The following CCNY variants were observed in gnomAD, a reference collection of about 807,000 sequenced individuals.
CCNY encodes cyclin-Y.
In CCNY, 19 loss-of-function variants were observed where a neutral mutation model predicts 42.8. The ratio of observed to expected loss-of-function variants is 0.44; its 90% CI spans 0.31 to 0.65. CCNY has a LOEUF of 0.65. CCNY is among the 30% of genes least tolerant of loss of function. The pLI, the probability that CCNY is intolerant of heterozygous loss-of-function variation, is 0.07. For synonymous variants in CCNY, 165 were observed against 162.7 expected (o/e 1.01, Z -0.11); for missense variants, 370 against 437.3 (o/e 0.85, Z 1.37).
intron 1 of CCNY, among the ~76,000 whole-genome samples, chr10:35,455,886 A>G (rs1338529253): frequency 6.8e-6 from 1 of 146,500 alleles, no homozygotes; most frequent in Non-Finnish European, 1.5e-5. Context: ...TGGCACAATC[A>G]TAGCTCACTG....
intron 1 of CCNY, among the ~76,000 whole-genome samples, chr10:35,433,585 T>C (rs1050243712): frequency 6.6e-6 from 1 of 152,220 alleles, no homozygotes; most frequent in African/African-American, 2.4e-5. Flanking sequence ...GTATGATACA[T>C]GTATTAGTCT....
intron 5 of CCNY, among the ~76,000 whole-genome samples, chr10:35,528,050 T>A (rs900392296): frequency 2.6e-5 from 4 of 152,212 alleles, no homozygotes; most frequent in Non-Finnish European, 5.9e-5. Context: ...CGAATGTTTC[T>A]CTAGGGTGCT....
chr10:35,560,578 A>G (rs1841446420), intron 8 of CCNY, among the ~76,000 whole-genome samples: 1 of 152,148 alleles, frequency 6.6e-6, no homozygotes. Flanking sequence ...AACTGTGGGG[A>G]AAAAATTCCC....
intron 7 of CCNY, among the ~76,000 whole-genome samples, chr10:35,534,964 C>A (rs749601143): frequency 7.0e-6 from 1 of 143,496 alleles, no homozygotes; most frequent in African/African-American, 2.6e-5. Flanking sequence ...TACACACACA[C>A]ACACACACAC....
intron 1 of CCNY, among the ~76,000 whole-genome samples, chr10:35,452,096 T>G (rs938645711): frequency 3.3e-5 from 5 of 152,348 alleles, no homozygotes; most frequent in African/African-American, 1.2e-4. Context: ...CCTACCTGAA[T>G]TAATTTATAT....
chr10:35,471,497 C>A (rs1339211854), intron 1 of CCNY, among the ~76,000 whole-genome samples: 1 of 152,136 alleles, frequency 6.6e-6, no homozygotes, highest in Non-Finnish European at 1.5e-5. Context: ...AATTGTGGAT[C>A]ACTGTTACTG....
At chr10:35,549,078 C>A (rs1247292365) in intron 7 of CCNY, among the ~76,000 whole-genome samples, 8 of 151,596 alleles carry the variant, frequency 5.3e-5, no homozygotes, top group Admixed American at 5.3e-4. Flanking sequence ...TGGGTGCCAA[C>A]TCCGTGCCCC....
At chr10:35,318,764 A>T (rs948643540) in intron 3 of CCNY, among the ~76,000 whole-genome samples, 3 of 152,164 alleles carry the variant, frequency 2.0e-5, no homozygotes, top group African/African-American at 7.2e-5. Flanking sequence ...CAGTAAAAAA[A>T]AAATAGTAAA....
intron 1 of CCNY, among the ~76,000 whole-genome samples, chr10:35,359,512 AT>A (rs35943034): frequency 7.1e-5 from 9 of 126,712 alleles, no homozygotes; most frequent in African/African-American, 1.1e-4. Context: ...TATTATTATT[AT>A]TTTTTTTTGT....
rs576359501 is a variant in CCNY, at chr10:35,530,860, C to T, written c.579+617C>T. Among the ~76,000 whole-genome samples the T allele has an allele frequency of 6.6e-6, 1 of 152,160 alleles. No homozygotes were observed. The highest frequency in any genetic ancestry group is 2.4e-5 in the African/African-American group (1 of 41,538). ...GTCAAGGTGGGAGGATCACTTGAGC[C>T]CAGGAGTTTGAGACCAGTCTGGACA... On this transcript the variant is annotated intron_variant, in intron 7 of 9. Coordinates refer to ENST00000374704, the MANE Select transcript of CCNY (RefSeq NM_145012.6). This position sits in a 1 kb window ranked among gnomAD's most constrained non-coding sequence, Gnocchi z 4.3.
At chr10:35,254,814 G>A (rs918316506) in intron 3 of CCNY, among the ~76,000 whole-genome samples, 6 of 122,048 alleles carry the variant, frequency 4.9e-5, no homozygotes, top group African/African-American at 1.9e-4. Context: ...CTGGGGGAAA[G>A]AGTGAGACCC....
At chr10:35,321,541 G>A (rs1835821961) in intron 3 of CCNY, among the ~76,000 whole-genome samples, 1 of 151,828 alleles carries the variant, frequency 6.6e-6, no homozygotes, top group South Asian at 2.1e-4. Flanking sequence ...AGCCAGGTGT[G>A]GTGGTACGCA....
At chr10:35,409,108 A>G (rs187759915) in intron 1 of CCNY, among the ~76,000 whole-genome samples, 3 of 152,128 alleles carry the variant, frequency 2.0e-5, no homozygotes, top group East Asian at 3.9e-4. Flanking sequence ...TTTTCCTCCA[A>G]TGGCTGTTAG....
At chr10:35,340,181 A>G (rs1836145178) in intron 1 of CCNY, among the ~76,000 whole-genome samples, 1 of 152,216 alleles carries the variant, frequency 6.6e-6, no homozygotes, top group Admixed American at 6.5e-5. Flanking sequence ...AAAGTCACAC[A>G]GCCAATACAT....
chr10:35,501,384 TG>T, intron 2 of CCNY, 116 bp from the exon 3 acceptor site: 1 of 771,498 alleles, frequency 1.3e-6, no homozygotes, highest in Non-Finnish European at 2.3e-6. Context: ...AATGAGCAAG[TG>T]GGTATGTTGG....
At chr10:35,524,112 G>T (rs1479717149) in intron 4 of CCNY, among the ~76,000 whole-genome samples, 1 of 152,212 alleles carries the variant, frequency 6.6e-6, no homozygotes, top group Non-Finnish European at 1.5e-5. Flanking sequence ...AGGGCACACA[G>T]CCTTATACAA....
chr10:35,548,292 G>GTATATATATGTATATATATA (rs1008657264), intron 7 of CCNY, among the ~76,000 whole-genome samples: 2 of 143,828 alleles, frequency 1.4e-5, no homozygotes, highest in Non-Finnish European at 3.0e-5. Context: ...ATATATTTAT[G>GTATATATATGTATATATATA]TATATATATA....
intron 2 of CCNY, among the ~76,000 whole-genome samples, chr10:35,248,400 T>C (rs779538259): frequency 4.6e-5 from 7 of 152,044 alleles, no homozygotes; most frequent in Non-Finnish European, 5.9e-5. Flanking sequence ...TCCCAGCACT[T>C]TGGGAGGCCG....
chr10:35,534,371 C>A (rs1840835819), intron 7 of CCNY, among the ~76,000 whole-genome samples: 1 of 152,166 alleles, frequency 6.6e-6, no homozygotes, highest in African/African-American at 2.4e-5. Flanking sequence ...ACTTCGGGGA[C>A]ATCACTCAAC....
Sources: allele counts gnomAD v4.1 joint callset (sites outside exome capture counted in the v4.1 genomes callset), GRCh38; gene constraint gnomAD v4.1.1; non-coding constraint Gnocchi (gnomAD v3.1); transcripts MANE v1.5; gene names NCBI Gene and HGNC (gene_info 2026-07-23, HGNC 2026-07-21).